GRIN2A: variants seen among roughly 807,000 people sequenced by gnomAD.
GRIN2A encodes glutamate receptor ionotropic, NMDA 2A.
In GRIN2A, 22 loss-of-function variants were observed where a neutral mutation model predicts 113.4. The ratio of observed to expected loss-of-function variants is 0.19; its 90% CI spans 0.14 to 0.28. The LOEUF is 0.28. Among genes scored for constraint, GRIN2A ranks in the 10% least tolerant of loss-of-function variants. The pLI, the probability that GRIN2A is intolerant of heterozygous loss-of-function variation, is 1.00. For missense variants in GRIN2A, 1,502 were observed against 1,887.0 expected, an observed-to-expected ratio of 0.80 and a Z score of 3.78; for synonymous variants, 827 against 738.4, an observed-to-expected ratio of 1.12 and a Z score of -1.94.
intron 2 of GRIN2A, among the ~76,000 whole-genome samples, chr16:9,991,361 C>T (rs538819456): frequency 8.5e-5 from 13 of 152,116 alleles, no homozygotes; most frequent in Non-Finnish European, 4.4e-5. Flanking sequence ...AGTAAGTGGT[C>T]CTACAGGTAA....
intron 2 of GRIN2A, among the ~76,000 whole-genome samples, chr16:9,993,286 A>G (rs72774041): frequency 0.089 from 13,503 of 152,140 alleles, 705 homozygotes; most frequent in Non-Finnish European, 0.11. Flanking sequence ...ATGGGGGTTC[A>G]TGCCTGAAAT....
At chr16:9,890,849 A>G in intron 4 of GRIN2A, 137 bp downstream of exon 4, 1 of 682,106 alleles carries the variant, frequency 1.5e-6, no homozygotes, top group South Asian at 1.6e-5. Context: ...TTGTTGCAAG[A>G]AAGACGTGCT....
Position 9,754,529 on chromosome 16 carries a change from C to T in GRIN2A, c.*8620G>A, listed in dbSNP as rs1351998237. On this transcript the variant is annotated 3_prime_UTR_variant, in exon 13 of 13. Transcript: ENST00000330684. ...ATTCATCAAAAATTTCAAACAAGAT[C>T]ACCTGGATTTGGCTCAAATTAGAGG... 1.4e-5 allele frequency: 3 copies of T among 212,804 alleles called. No individual in the cohort carries two copies. The highest frequency in any genetic ancestry group is 2.8e-5 in the Non-Finnish European group (3 of 105,290). 13.2% of individuals were successfully genotyped at this position (212,804 alleles called of 1,614,324 possible).
chr16:9,950,242 C>G (rs2045144976), intron 2 of GRIN2A, among the ~76,000 whole-genome samples: 1 of 152,294 alleles, frequency 6.6e-6, no homozygotes, highest in Non-Finnish European at 1.5e-5. Flanking sequence ...TTTCCCTCCC[C>G]TAATCTCTAG....
intron 2 of GRIN2A, among the ~76,000 whole-genome samples, chr16:10,081,966 C>T (rs2047993911): frequency 6.6e-6 from 1 of 152,216 alleles, no homozygotes; most frequent in East Asian, 1.9e-4. Context: ...AGCTCCACTT[C>T]CAAAATGTGT....
chr16:9,880,407 C>T (rs746850628), intron 4 of GRIN2A, among the ~76,000 whole-genome samples: 4 of 152,136 alleles, frequency 2.6e-5, no homozygotes, highest in Non-Finnish European at 5.9e-5. Context: ...GCAAAACCCA[C>T]GATTACTTTT....
intron 2 of GRIN2A, chr16:10,121,487 G>C (rs989306734): frequency 3.9e-5 from 6 of 152,132 alleles, no homozygotes; most frequent in Non-Finnish European, 5.9e-5. Flanking sequence ...AGAGCCCCGG[G>C]AGCCCACACA....
chr16:10,057,636 T>C lies in GRIN2A; in HGVS notation c.415-119085A>G, dbSNP rs1053996668. 9.3e-5 allele frequency among the ~76,000 whole-genome samples: 14 copies of C among 150,736 alleles called. No individual in the cohort carries two copies. The East Asian group carries it at 2.5e-3, about 27-fold the overall frequency. ...AAAAACAAAACAAACTCATAAGTAG[T>C]TAAAAAAAAAAAATCACTTCCCAAA... On this transcript the variant is annotated intron_variant, in intron 2 of 12. Coordinates refer to ENST00000330684, the MANE Select transcript of GRIN2A (RefSeq NM_001134407.3).
intron 2 of GRIN2A, among the ~76,000 whole-genome samples, chr16:10,133,986 C>G (rs13330357): frequency 0.017 from 2,618 of 151,868 alleles, 80 homozygotes; most frequent in African/African-American, 0.06. Context: ...CATTGGAGAC[C>G]AACCTGGACA....
intron 2 of GRIN2A, among the ~76,000 whole-genome samples, chr16:9,997,177 T>C (rs1340197739): frequency 6.6e-6 from 1 of 152,212 alleles, no homozygotes; most frequent in East Asian, 1.9e-4. Context: ...AACTGGCCTG[T>C]AGACTTTCTA....
At position 9,763,272 on chromosome 16, in the gene GRIN2A, A is replaced by G; in HGVS notation, c.4272T>C (p.Ile1424=). ...CAGCATAAGGCATAACATGCTCCGA[A>G]ATATACACATCATTGTGGCCCCGAC... ...RDSRGHNDVY[I]SEHVMPYAAN... Residue 1424 remains isoleucine, a synonymous_variant, in exon 13 of 13, where the codon ATT becomes ATC. Transcript: ENST00000330684. The G allele has an allele frequency of 6.2e-7, 1 of 1,614,170 alleles. No individual in the cohort carries two copies. The highest frequency in any genetic ancestry group is 1.1e-5 in the South Asian group (1 of 91,078).
intron 7 of GRIN2A, among the ~76,000 whole-genome samples, chr16:9,839,054 T>A (rs1411513736): frequency 6.6e-6 from 1 of 152,188 alleles, no homozygotes; most frequent in South Asian, 2.1e-4. Flanking sequence ...GCTATTGAAA[T>A]TTTTTAAAAA....
chr16:10,085,465 C>T (rs2048069333), intron 2 of GRIN2A, among the ~76,000 whole-genome samples: 4 of 152,062 alleles, frequency 2.6e-5, no homozygotes, highest in Admixed American at 2.6e-4. Context: ...ATAATTTGGC[C>T]CCATGTGTCA....
intron 2 of GRIN2A, among the ~76,000 whole-genome samples, chr16:10,107,784 G>C (rs115675888): frequency 1.3e-5 from 2 of 152,306 alleles, no homozygotes; most frequent in African/African-American, 4.8e-5. Context: ...TCAACTCACA[G>C]TTGCAGATTT....
At chr16:10,176,726 C>G (rs2050155193) in intron 2 of GRIN2A, among the ~76,000 whole-genome samples, 1 of 151,786 alleles carries the variant, frequency 6.6e-6, no homozygotes, top group Non-Finnish European at 1.5e-5. Context: ...GGATGGATAG[C>G]ACTAGGAGAT....
At chr16:10,136,612 G>A (rs1157652634) in intron 2 of GRIN2A, among the ~76,000 whole-genome samples, 2 of 151,954 alleles carry the variant, frequency 1.3e-5, no homozygotes, top group Non-Finnish European at 2.9e-5. Context: ...GCATATTCTA[G>A]GTGACCTTTT....
At chr16:10,022,667 G>C (rs943619403) in intron 2 of GRIN2A, among the ~76,000 whole-genome samples, 1 of 152,174 alleles carries the variant, frequency 6.6e-6, no homozygotes, top group Non-Finnish European at 1.5e-5. Flanking sequence ...GCACACAGTT[G>C]ACATTTTGAG....
intron 10 of GRIN2A, among the ~76,000 whole-genome samples, chr16:9,799,183 T>A (rs1903200659): frequency 6.6e-6 from 1 of 152,228 alleles, no homozygotes; most frequent in East Asian, 1.9e-4. Context: ...TAAACTCTGC[T>A]GTTGTAGGGT....
intron 4 of GRIN2A, among the ~76,000 whole-genome samples, chr16:9,862,516 T>C (rs1186136517): frequency 6.6e-6 from 1 of 152,220 alleles, no homozygotes; most frequent in Non-Finnish European, 1.5e-5. Flanking sequence ...AGCTCAATGC[T>C]TGTTCAATCT....
Sources: gnomAD v4.1 joint callset for allele counts (sites outside exome capture counted in the v4.1 genomes callset) on GRCh38, gnomAD v4.1.1 for gene constraint, MANE v1.5 for transcripts, NCBI Gene and HGNC (gene_info 2026-07-23, HGNC 2026-07-21) for gene names.